The following SUGCT variants were observed in gnomAD, a reference collection of about 807,000 sequenced individuals.
The protein encoded by SUGCT is succinyl-CoA:glutarate CoA-transferase.
SUGCT carries 41 observed loss-of-function variants against 55.0 expected under a neutral mutation model. That is an observed-to-expected ratio of 0.74 (90% CI 0.58 to 0.97). The LOEUF is 0.97. Ranked by LOEUF, SUGCT falls within the 50% of genes least tolerant of loss-of-function variation. The pLI, the probability that SUGCT is intolerant of heterozygous loss-of-function variation, is 0.00. For missense variants in SUGCT, 568 were observed against 547.8 expected, an observed-to-expected ratio of 1.04 and a Z score of -0.37; for synonymous variants, 187 against 200.4, an observed-to-expected ratio of 0.93 and a Z score of 0.56.
chr7:40,563,218 G>A (rs1795937608), intron 12 of SUGCT, among the ~76,000 whole-genome samples: 1 of 152,164 alleles, frequency 6.6e-6, no homozygotes, highest in African/African-American at 2.4e-5. Flanking sequence ...ATTCTGTCAT[G>A]TCGTTCCATC....
chr7:40,543,074 C>T (rs149915713), intron 12 of SUGCT, among the ~76,000 whole-genome samples: 1 of 152,218 alleles, frequency 6.6e-6, no homozygotes, highest in Admixed American at 6.5e-5. Context: ...ACAACAAAAG[C>T]CAAAATGTCC....
intron 12 of SUGCT, chr7:40,539,633 TG>T (rs1385969947): frequency 6.6e-6 from 1 of 152,188 alleles, no homozygotes; most frequent in Non-Finnish European, 1.5e-5. Context: ...GTTAAGGAGA[TG>T]GTGGCTCCTC....
intron 12 of SUGCT, among the ~76,000 whole-genome samples, chr7:40,703,463 T>G (rs778284100): frequency 6.6e-5 from 10 of 152,136 alleles, no homozygotes; most frequent in Non-Finnish European, 1.0e-4. Flanking sequence ...CTCTAACCTC[T>G]CTATATATAC....
intron 12 of SUGCT, among the ~76,000 whole-genome samples, chr7:40,748,335 G>A (rs1183171352): frequency 5.3e-5 from 8 of 152,140 alleles, no homozygotes; most frequent in South Asian, 2.1e-4. Context: ...TTATAGTGGC[G>A]TGAAAGTAGG....
chr7:40,265,242 G>T (rs1246193403), intron 7 of SUGCT, among the ~76,000 whole-genome samples: 1 of 152,154 alleles, frequency 6.6e-6, no homozygotes, highest in Non-Finnish European at 1.5e-5. Flanking sequence ...TTTTAGAAAT[G>T]AAGCCAACTA....
intron 8 of SUGCT, among the ~76,000 whole-genome samples, chr7:40,307,003 C>G (rs1384804954): frequency 8.5e-5 from 13 of 152,092 alleles, no homozygotes; most frequent in Admixed American, 8.5e-4. Flanking sequence ...CTTTTGAGTT[C>G]ATAAATAAAA....
chr7:40,533,093 G>A (rs750473212), intron 12 of SUGCT, among the ~76,000 whole-genome samples: 7 of 152,122 alleles, frequency 4.6e-5, no homozygotes, highest in Non-Finnish European at 1.0e-4. Flanking sequence ...AATATGCCCT[G>A]TAATAGCCAT....
At chr7:40,815,164 T>A (rs982718733) in intron 13 of SUGCT, among the ~76,000 whole-genome samples, 5 of 152,196 alleles carry the variant, frequency 3.3e-5, no homozygotes, top group African/African-American at 1.2e-4. Flanking sequence ...CTGAGCTCCC[T>A]CCTCAGCCCT....
chr7:40,604,453 C>T lies in SUGCT; in HGVS notation c.1089+108067C>T, dbSNP rs1798433187. Among the ~76,000 whole-genome samples, 2 of 152,174 alleles carry T rather than the reference C, an allele frequency of 1.3e-5. 1 individual carries two copies. The highest frequency in any genetic ancestry group is 4.1e-4 in the South Asian group (2 of 4,826). On this transcript the variant is annotated intron_variant, in intron 12 of 13. Transcript: ENST00000335693. ...AGAATGTGAGAGGATGTCATGTTTT[C>T]GCTCCTCTTCTACAAGCTCATTAAG...
At chr7:40,687,831 C>T (rs1405833619) in intron 12 of SUGCT, among the ~76,000 whole-genome samples, 2 of 148,864 alleles carry the variant, frequency 1.3e-5, no homozygotes, top group East Asian at 3.9e-4. Context: ...CTTCACCAGG[C>T]TTCTGTGAAG....
intron 12 of SUGCT, among the ~76,000 whole-genome samples, chr7:40,530,364 GT>G (rs1449120781): frequency 6.6e-6 from 1 of 152,074 alleles, no homozygotes; most frequent in Non-Finnish European, 1.5e-5. Flanking sequence ...CAATATAATA[GT>G]TTTAATAAAA....
chr7:40,817,912 G>T (rs1791761216), intron 13 of SUGCT, among the ~76,000 whole-genome samples: 1 of 152,302 alleles, frequency 6.6e-6, no homozygotes, highest in South Asian at 2.1e-4. Context: ...TATTACACAT[G>T]TAATATAATG....
intron 12 of SUGCT, among the ~76,000 whole-genome samples, chr7:40,560,048 G>T (rs533860614): frequency 1.3e-5 from 2 of 152,306 alleles, no homozygotes; most frequent in Admixed American, 1.3e-4. Flanking sequence ...AGGGTAGTTT[G>T]CTATGAATTA....
At chr7:41,027,981 A>G in the SUGCT span, among the ~76,000 whole-genome samples, 1 of 152,218 alleles carries the variant, frequency 6.6e-6, no homozygotes, top group South Asian at 2.1e-4. Context: ...CCTCATCTGT[A>G]AAATGGGTAG....
At chr7:41,038,199 T>A in the SUGCT span, among the ~76,000 whole-genome samples, 7 of 152,158 alleles carry the variant, frequency 4.6e-5, no homozygotes, top group African/African-American at 1.7e-4. Context: ...ACCTCCTTTT[T>A]GCCCTCCTCT....
At chr7:40,736,392 G>A (rs35805691) in intron 12 of SUGCT, among the ~76,000 whole-genome samples, 26,192 of 150,172 alleles carry the variant, frequency 0.17, 2,638 homozygotes, top group Non-Finnish European at 0.23. Flanking sequence ...AGAGAAAATA[G>A]GCAGAGGCAA....
At chr7:40,975,793 A>C in the SUGCT span, among the ~76,000 whole-genome samples, 1 of 152,226 alleles carries the variant, frequency 6.6e-6, no homozygotes, top group Non-Finnish European at 1.5e-5. Flanking sequence ...CTGGGTTTAG[A>C]ATGTGTGTTG....
the SUGCT span, among the ~76,000 whole-genome samples, chr7:41,008,861 C>T: frequency 6.6e-6 from 1 of 151,920 alleles, no homozygotes; most frequent in Non-Finnish European, 1.5e-5. Flanking sequence ...CCTGCTGCCT[C>T]GTGGTCACCC....
At chr7:40,697,546 G>A (rs1362916594) in intron 12 of SUGCT, among the ~76,000 whole-genome samples, 1 of 152,214 alleles carries the variant, frequency 6.6e-6, no homozygotes. Context: ...GCTGAGGCAG[G>A]AGACTCACTT....
Sources: allele counts gnomAD v4.1 joint callset (sites outside exome capture counted in the v4.1 genomes callset), GRCh38; gene constraint gnomAD v4.1.1; transcripts MANE v1.5; gene names NCBI Gene and HGNC (gene_info 2026-07-23, HGNC 2026-07-21).